The following EMB variants were observed in gnomAD, a reference collection of about 807,000 sequenced individuals.
EMB encodes the protein embigin.
In EMB, 31 loss-of-function variants were observed where a neutral mutation model predicts 41.4. That is an observed-to-expected ratio of 0.75 (90% CI 0.56 to 1.01). The LOEUF (loss-of-function observed/expected upper bound fraction) is 1.01. Among genes scored for constraint, EMB ranks in the 50% least tolerant of loss-of-function variants. EMB has a pLI of 0.00. For missense variants in EMB, 379 were observed against 388.3 expected (o/e 0.98, Z 0.20); for synonymous variants, 137 against 140.4 (o/e 0.98, Z 0.17).
At chr5:50,416,585 A>T (rs1454942146) in intron 2 of EMB, among the ~76,000 whole-genome samples, 1 of 152,228 alleles carries the variant, frequency 6.6e-6, no homozygotes, top group African/African-American at 2.4e-5. Flanking sequence ...TGCTTTAAAG[A>T]TAGAAACCCT....
At chr5:50,438,958 G>T (rs1362518556) in intron 1 of EMB, among the ~76,000 whole-genome samples, 1 of 145,934 alleles carries the variant, frequency 6.9e-6, no homozygotes, top group Non-Finnish European at 1.5e-5. Context: ...TAACCCTGAC[G>T]CCTATGGAAT....
intron 4 of EMB, among the ~76,000 whole-genome samples, chr5:50,407,835 A>C (rs1427816025): frequency 6.6e-6 from 1 of 151,960 alleles, no homozygotes; most frequent in Non-Finnish European, 1.5e-5. Context: ...GAAATTGCTG[A>C]TTCAGGCTAG....
intron 2 of EMB, among the ~76,000 whole-genome samples, chr5:50,425,420 C>T (rs1388451071): frequency 1.3e-5 from 2 of 152,016 alleles, no homozygotes; most frequent in Non-Finnish European, 2.9e-5. Flanking sequence ...AAACTGTCAG[C>T]TGTTTATTTT....
intron 2 of EMB, among the ~76,000 whole-genome samples, chr5:50,420,140 T>C (rs1224499120): frequency 6.6e-6 from 1 of 152,082 alleles, no homozygotes; most frequent in Non-Finnish European, 1.5e-5. Flanking sequence ...CGTTTACCTA[T>C]GTAACAAACC....
intron 2 of EMB, among the ~76,000 whole-genome samples, chr5:50,415,977 A>G (rs1161548746): frequency 6.6e-6 from 1 of 152,234 alleles, no homozygotes; most frequent in Non-Finnish European, 1.5e-5. Flanking sequence ...AGTGCAACAC[A>G]GTTTTTCTTA....
At chr5:50,427,379 G>A (rs1745629314) in intron 2 of EMB, among the ~76,000 whole-genome samples, 1 of 151,926 alleles carries the variant, frequency 6.6e-6, no homozygotes, top group Admixed American at 6.6e-5. Context: ...GAAGGCACTA[G>A]AGCAACAACC....
At position 50,403,407 on chromosome 5, in the gene EMB, A is replaced by C. The variant is rs368632578; in HGVS notation, c.648T>G (p.Tyr216Ter). 5 of 1,612,496 alleles carry C rather than the reference A, an allele frequency of 3.1e-6. No individual in the cohort carries two copies. The highest frequency in any genetic ancestry group is 4.2e-6 in the Non-Finnish European group (5 of 1,179,026). The change falls in exon 6 of 9, where the codon TAT becomes TAG. Residue 216 changes from tyrosine (Y) to a stop codon, truncating the protein, a stop_gained. Coordinates refer to ENST00000303221, the MANE Select transcript of EMB (RefSeq NM_198449.3). LOFTEE classifies it high-confidence loss of function. ...TTATCTTCAGCTTTGTTTCGTTAGC[A>C]TATGTTCCATTGATCACATATTTAT... Reference protein sequence around the residue: ...QMNKYVINGTYANETKLKITQ... With the variant: ...QMNKYVINGT
chr5:50,403,403 T>C lies in EMB; in HGVS notation c.652A>G (p.Asn218Asp), dbSNP rs531806406. 3.9e-5 allele frequency: 63 copies of C among 1,612,562 alleles called. No individual in the cohort carries two copies. In the South Asian group the frequency reaches 6.4e-4, roughly 16 times the overall value. The part of the protein sequence containing the change: ...NKYVINGTYA[N>D]ETKLKITQLL... The stretch of plus-strand genomic sequence containing the variant: ...TGTGTTATCTTCAGCTTTGTTTCGT[T>C]AGCATATGTTCCATTGATCACATAT... The change falls in exon 6 of 9, where the codon AAC becomes GAC. Residue 218 changes from asparagine to aspartate, a missense_variant. Transcript: ENST00000303221.
chr5:50,440,980 G>C, intron 1 of EMB, 60 bp downstream of exon 1: 1 of 1,193,956 alleles, frequency 8.4e-7, no homozygotes, highest in African/African-American at 1.6e-5. Flanking sequence ...CTCTGCCCGC[G>C]GGGACCCGAG....
chr5:50,424,656 G>C (rs891622077), intron 2 of EMB, among the ~76,000 whole-genome samples: 1 of 152,074 alleles, frequency 6.6e-6, no homozygotes, highest in African/African-American at 2.4e-5. Flanking sequence ...TAGAACAGTG[G>C]GGATAATTTT....
chr5:50,414,412 A>G (rs1449928397), intron 2 of EMB, among the ~76,000 whole-genome samples: 1 of 151,252 alleles, frequency 6.6e-6, no homozygotes, highest in African/African-American at 2.4e-5. Flanking sequence ...CTGTGGTCCC[A>G]TCTAGTCTCA....
At chr5:50,404,125 CT>C (rs1006979979) in intron 5 of EMB, among the ~76,000 whole-genome samples, 1 of 151,934 alleles carries the variant, frequency 6.6e-6, no homozygotes, top group African/African-American at 2.4e-5. Context: ...CTATTTGGGG[CT>C]GTTTTATTTA....
intron 2 of EMB, among the ~76,000 whole-genome samples, chr5:50,421,751 T>G (rs1201508146): frequency 6.6e-6 from 1 of 151,944 alleles, no homozygotes; most frequent in East Asian, 1.9e-4. Context: ...TGTAGGGACG[T>G]GGATGAAGCT....
Position 50,441,192 on chromosome 5 carries a change from C to A in EMB, c.-41G>T. Reference sequence around the variant, plus strand: ...GCCTGGGTCCTCGTGGAGACTGCTCCCTCAGCTCGCCGCCGCGGGTGTCCA... The same window carrying A: ...GCCTGGGTCCTCGTGGAGACTGCTCACTCAGCTCGCCGCCGCGGGTGTCCA... On this transcript the variant is annotated 5_prime_UTR_variant, in exon 1 of 9. Coordinates refer to ENST00000303221, the MANE Select transcript of EMB (RefSeq NM_198449.3). The A allele has an allele frequency of 8.1e-7, 1 of 1,236,646 alleles. No homozygotes were observed. The highest frequency in any genetic ancestry group is 1.1e-6 in the Non-Finnish European group (1 of 951,674). 76.6% of individuals were successfully genotyped at this position (1,236,646 alleles called of 1,614,324 possible).
chr5:50,425,779 G>A (rs1036066971), intron 2 of EMB, among the ~76,000 whole-genome samples: 1 of 150,530 alleles, frequency 6.6e-6, no homozygotes, highest in African/African-American at 2.5e-5. Context: ...CGCCTCCCAG[G>A]TTCAAGTGAT....
At chr5:50,442,206 T>TA (rs35569107), upstream of EMB, among the ~76,000 whole-genome samples, 17,504 of 148,110 alleles carry the variant, frequency 0.12, 1,136 homozygotes, top group East Asian at 0.17. Flanking sequence ...ATATCGGCGT[T>TA]AAAAAAAAAA....
At chr5:50,413,984 C>T (rs1236404926) in intron 2 of EMB, among the ~76,000 whole-genome samples, 2 of 151,908 alleles carry the variant, frequency 1.3e-5, no homozygotes, top group African/African-American at 2.4e-5. Context: ...AAAAGAAAAG[C>T]AAAACTGAAC....
chr5:50,431,029 C>T (rs1014766503), intron 1 of EMB, among the ~76,000 whole-genome samples: 8 of 152,172 alleles, frequency 5.3e-5, no homozygotes, highest in Non-Finnish European at 1.0e-4. Context: ...GCTGTTGAGG[C>T]CATTTACAAT....
In EMB at chr5:50,397,581, G is replaced by A. The variant is rs1745090278; in HGVS notation, c.*1692C>T. 1 of 152,068 alleles carries A rather than the reference G, an allele frequency of 6.6e-6. No homozygotes were observed. The highest frequency in any genetic ancestry group is 2.4e-5 in the African/African-American group (1 of 41,412). The allele number at this position is 152,068 out of a possible 1,614,324, so 9.4% of individuals were successfully genotyped here. A position where few individuals can be genotyped will look rare whatever the true frequency, so the allele number is the denominator to read the frequency against. ...AATACACTGCTTTGAATTGTATTTA[G>A]TCAAACAGCAGATTTGACTAATATT... On this transcript the variant is annotated 3_prime_UTR_variant, in exon 9 of 9. Transcript: ENST00000303221.
Sources: allele counts gnomAD v4.1 joint callset (sites outside exome capture counted in the v4.1 genomes callset), GRCh38; gene constraint gnomAD v4.1.1; transcripts MANE v1.5; gene names NCBI Gene and HGNC (gene_info 2026-07-23, HGNC 2026-07-21).